SLC9A8: variants seen among roughly 807,000 people sequenced by gnomAD.
The protein encoded by SLC9A8 is solute carrier family 9 member A8.
SLC9A8 carries 48 observed loss-of-function variants against 66.6 expected under a neutral mutation model. The observed-to-expected ratio is 0.72, with a 90% CI of 0.57 to 0.92. The LOEUF (loss-of-function observed/expected upper bound fraction) is 0.92, where lower values mean the gene tolerates loss of function less well. Ranked by LOEUF, SLC9A8 falls within the 40% of genes least tolerant of loss-of-function variation. SLC9A8 has a pLI of 0.00. For synonymous variants in SLC9A8, 274 were observed against 282.6 expected (o/e 0.97, Z 0.31); for missense variants, 599 against 747.3 (o/e 0.80, Z 2.31).
At chr20:49,868,887 G>A (rs981446445) in intron 10 of SLC9A8, among the ~76,000 whole-genome samples, 3 of 152,156 alleles carry the variant, frequency 2.0e-5, no homozygotes, top group South Asian at 2.1e-4. Flanking sequence ...TAATATCCCC[G>A]TTTATTCTAA....
chr20:49,875,821 G>A (rs570548088), intron 11 of SLC9A8, among the ~76,000 whole-genome samples: 16 of 151,868 alleles, frequency 1.1e-4, no homozygotes, highest in Admixed American at 2.6e-4. Context: ...TGCAAGCTCC[G>A]CCTCCCGGGT....
At chr20:49,834,137 TTGTCTCTC>T (rs1256865554) in intron 3 of SLC9A8, among the ~76,000 whole-genome samples, 1 of 77,796 alleles carries the variant, frequency 1.3e-5, no homozygotes, top group African/African-American at 6.1e-5. Context: ...TAATATTAGC[TTGTCTCTC>T]TCTCTCTCTC....
In SLC9A8 at chr20:49,830,413, G is replaced by A. The variant is rs574039316; in HGVS notation, c.289+7272G>A. ...TCAACCTGTGACATCACTTTCGCCC[G>A]TGTGTTGGATCCCAAGGCGGCCAAG... On this transcript the variant is annotated intron_variant, in intron 3 of 15. Transcript: ENST00000361573. 4.0e-4 allele frequency: 331 copies of A among 826,136 alleles called. 3 individuals carry two copies. The highest frequency in any genetic ancestry group is 3.1e-3 in the South Asian group (233 of 75,540). The allele number at this position is 826,136 out of a possible 1,614,324, so 51.2% of individuals were successfully genotyped here. A position where few individuals can be genotyped will look rare whatever the true frequency, so the allele number is the denominator to read the frequency against.
intron 2 of SLC9A8, 124 bp from the exon 3 acceptor site, chr20:49,822,937 G>A (rs150596807): frequency 9.4e-6 from 7 of 746,336 alleles, no homozygotes; most frequent in South Asian, 9.3e-5. Context: ...GAAGTTCACT[G>A]TGTTATTCCA....
chr20:49,834,212 T>TAC (rs1457307255), intron 3 of SLC9A8, among the ~76,000 whole-genome samples: 1,641 of 119,376 alleles, frequency 0.014, 60 homozygotes, highest in East Asian at 0.1. Context: ...TATATATATA[T>TAC]ATACACACAC....
intron 3 of SLC9A8, chr20:49,830,851 G>A (rs2087148604): frequency 6.9e-7 from 1 of 1,447,544 alleles, no homozygotes; most frequent in Non-Finnish European, 9.7e-7. Context: ...CTCAATCAGG[G>A]ACAGTTGGCC....
chr20:49,877,126 GAAA>G (rs113268405), intron 11 of SLC9A8, among the ~76,000 whole-genome samples: 1 of 112,170 alleles, frequency 8.9e-6, no homozygotes, highest in African/African-American at 3.1e-5. Context: ...TGTCTCTACT[GAAA>G]AAAAAAAAAA....
At chr20:49,872,531 G>C (rs2089254473) in intron 10 of SLC9A8, among the ~76,000 whole-genome samples, 1 of 151,268 alleles carries the variant, frequency 6.6e-6, no homozygotes, top group Non-Finnish European at 1.5e-5. Flanking sequence ...TGTCACCCAG[G>C]CTGGAGTGCA....
rs61395303 is a variant in SLC9A8, at chr20:49,829,879, G to A, written c.289+6738G>A. ...GAGATGGAAAGAAGGGGGTGTCTTC[G>A]GGCTCTTCAGAGACAGGCTCCAAAT... On this transcript the variant is annotated intron_variant, in intron 3 of 15. Transcript: ENST00000361573. 1.9e-3 allele frequency: 1,054 copies of A among 569,116 alleles called. 14 individuals are homozygous for A. Among genetic ancestry groups the A allele is most frequent in the African/African-American group, 0.018 (941 of 53,266 alleles). 35.3% of individuals were successfully genotyped at this position (569,116 alleles called of 1,614,324 possible). A position where few individuals can be genotyped will look rare whatever the true frequency, so the allele number is the denominator to read the frequency against.
intron 6 of SLC9A8, 33 bp downstream of exon 6, chr20:49,849,713 T>C: frequency 6.6e-7 from 1 of 1,514,334 alleles, no homozygotes. Flanking sequence ...ACTTTGAAAG[T>C]CTTACATTCT....
chr20:49,887,821 C>T lies in SLC9A8; in HGVS notation c.1639-8C>T, dbSNP rs762002708. On this transcript the variant is annotated splice_region_variant and splice_polypyrimidine_tract_variant and intron_variant, in intron 15 of 15. Transcript: ENST00000361573. ...GCCCTGACGGCTTGGTTGTGTCTCT[C>T]GACCCAGGACCTGCACCACGGGCGC... The T allele has an allele frequency of 3.9e-5, 62 of 1,584,876 alleles. No individual in the cohort carries two copies. The highest frequency in any genetic ancestry group is 5.2e-5 in the Admixed American group (3 of 57,272).
chr20:49,888,698 G>A lies in SLC9A8; in HGVS notation c.*762G>A, dbSNP rs1323307348. 1 of 152,634 alleles carries A rather than the reference G, an allele frequency of 6.6e-6. No homozygotes were observed. The highest frequency in any genetic ancestry group is 2.4e-5 in the African/African-American group (1 of 41,432). 9.5% of individuals were successfully genotyped at this position (152,634 alleles called of 1,614,324 possible). ...TCTAGAGGGAAAAGCTAGAGGCACA[G>A]GGTTTCTGCCGGCCCACAACTGCTG... On this transcript the variant is annotated 3_prime_UTR_variant, in exon 16 of 16. Transcript: ENST00000361573.
At chr20:49,832,382 G>A (rs1300651105) in intron 3 of SLC9A8, among the ~76,000 whole-genome samples, 1 of 152,132 alleles carries the variant, frequency 6.6e-6, no homozygotes. Context: ...CTCTGGGGTG[G>A]GTCTGGGACA....
At chr20:49,846,468 C>CA (rs1208003938) in intron 5 of SLC9A8, among the ~76,000 whole-genome samples, 1 of 150,864 alleles carries the variant, frequency 6.6e-6, no homozygotes, top group African/African-American at 2.4e-5. Context: ...CCCTACCTCC[C>CA]AGGGTGCTTT....
intron 5 of SLC9A8, among the ~76,000 whole-genome samples, chr20:49,845,521 C>T (rs2087946533): frequency 6.6e-6 from 1 of 152,160 alleles, no homozygotes; most frequent in Admixed American, 6.5e-5. Flanking sequence ...TTTCAGCTCC[C>T]CCACTGGGGC....
intron 3 of SLC9A8, among the ~76,000 whole-genome samples, chr20:49,828,074 T>A (rs1448364788): frequency 8.9e-5 from 8 of 89,550 alleles, no homozygotes; most frequent in Non-Finnish European, 1.6e-4. Flanking sequence ...CAAAAAAAAA[T>A]TTTTTTTTTT....
At position 49,826,634 on chromosome 20, in the gene SLC9A8, T is replaced by C. The variant is rs189983423; in HGVS notation, c.289+3493T>C. On this transcript the variant is annotated intron_variant, in intron 3 of 15. Coordinates refer to ENST00000361573, the MANE Select transcript of SLC9A8 (RefSeq NM_015266.3). ...GGCCACTTTTCATTCTTTATAAAAA[T>C]ATAGTATCAACCTGAAGTTCTAAAG... 3.7e-3 allele frequency among the ~76,000 whole-genome samples: 570 copies of C among 152,346 alleles called. 4 individuals are homozygous for C. The highest frequency in any genetic ancestry group is 0.034 in the Middle Eastern group (10 of 294).
chr20:49,823,175 A>C, intron 3 of SLC9A8, 34 bp downstream of exon 3: 1 of 1,528,534 alleles, frequency 6.5e-7, no homozygotes, highest in Non-Finnish European at 9.1e-7. Context: ...TAATAAAAGC[A>C]GTAACAATAA....
At chr20:49,860,336 T>C (rs1365577880) in intron 8 of SLC9A8, among the ~76,000 whole-genome samples, 4 of 152,222 alleles carry the variant, frequency 2.6e-5, no homozygotes, top group Non-Finnish European at 5.9e-5. Context: ...ACCTTTATTA[T>C]GTTATTTTGG....
Sources: gnomAD v4.1 joint callset for allele counts (sites outside exome capture counted in the v4.1 genomes callset) on GRCh38, gnomAD v4.1.1 for gene constraint, MANE v1.5 for transcripts, NCBI Gene and HGNC (gene_info 2026-07-23, HGNC 2026-07-21) for gene names.